The following NKAPD1 variants were observed in gnomAD, a reference collection of about 807,000 sequenced individuals.
NKAPD1 encodes uncharacterized protein NKAPD1.
A neutral mutation model predicts 30.9 loss-of-function variants in NKAPD1; 12 were observed. That is an observed-to-expected ratio of 0.39 (90% CI 0.25 to 0.63). NKAPD1 has a LOEUF of 0.63. Among genes scored for constraint, NKAPD1 ranks in the 20% least tolerant of loss-of-function variants. The probability of loss-of-function intolerance (pLI) is 0.51; values close to 1 mark genes in which losing one functional copy is unlikely to be tolerated. For synonymous variants in NKAPD1, 91 were observed against 113.6 expected (o/e 0.80, Z 1.26); for missense variants, 311 against 344.5 (o/e 0.90, Z 0.77).
At position 112,083,090 on chromosome 11, in the gene NKAPD1, C is replaced by A. The variant is rs113433885; in HGVS notation, c.*118C>A. 7.8e-6 allele frequency: 8 copies of A among 1,031,950 alleles called. No homozygotes were observed. In the African/African-American group the frequency reaches 8.1e-5, roughly 10 times the overall value. 63.9% of individuals were successfully genotyped at this position (1,031,950 alleles called of 1,614,324 possible). On this transcript the variant is annotated 3_prime_UTR_variant, in exon 6 of 6. Transcript: ENST00000393047. The stretch of plus-strand genomic sequence containing the variant: ...TGAGGTCAGAGCTGTCTTGTGCCAT[C>A]TGTATGTTCTGACAGACGTCTTGTC...
rs1865557042 is a variant in NKAPD1, at chr11:112,085,000, T to A, written c.*2028T>A. 1 of 240,052 alleles carries A rather than the reference T, an allele frequency of 4.2e-6. No individual in the cohort carries two copies. The highest frequency in any genetic ancestry group is 8.0e-6 in the Non-Finnish European group (1 of 124,434). The allele number at this position is 240,052 out of a possible 1,614,324, so 14.9% of individuals were successfully genotyped here. A position where few individuals can be genotyped will look rare whatever the true frequency, so the allele number is the denominator to read the frequency against. ...ATTTGCACTACTGGCCATGGAACAT[T>A]TATTTCTAGTGTTCCTGCCAATCAG... On this transcript the variant is annotated 3_prime_UTR_variant, in exon 6 of 6. Transcript: ENST00000393047.
rs1016677630 is a variant in NKAPD1 at position 112,084,815 on chromosome 11, T to C, written c.*1843T>C. The C allele has an allele frequency of 6.6e-6, 1 of 152,056 alleles. No homozygotes were observed. The highest frequency in any genetic ancestry group is 1.5e-5 in the Non-Finnish European group (1 of 67,928). 9.4% of individuals were successfully genotyped at this position (152,056 alleles called of 1,614,324 possible). A position where few individuals can be genotyped will look rare whatever the true frequency, so the allele number is the denominator to read the frequency against. On this transcript the variant is annotated 3_prime_UTR_variant, in exon 6 of 6. Coordinates refer to ENST00000393047, the MANE Select transcript of NKAPD1 (RefSeq NM_018195.4). ...ACATCTTGCCTTTTTTTTTTTTTTT[T>C]TGCCATGTTTTCCTTTTCTTGGTCA...
In NKAPD1 at chr11:112,082,604, A is replaced by C. The variant is rs1383623448; in HGVS notation, c.514A>C (p.Lys172Gln). The C allele has an allele frequency of 1.9e-6, 3 of 1,613,286 alleles. No individual in the cohort carries two copies. Among genetic ancestry groups the C allele is most frequent in the Non-Finnish European group, 2.5e-6 (3 of 1,179,936 alleles). Residue 172 changes from lysine to glutamine, a missense_variant, in exon 6 of 6, where the codon AAA (lysine) becomes CAA (glutamine). By Grantham distance (53) the Lys-to-Gln change is moderately conservative. Transcript: ENST00000393047. Reference protein sequence around the residue: ...QKKRSHKKQKKSKKEATDITA... With the variant: ...QKKRSHKKQKQSKKEATDITA... ...AAAAAGGTCACACAAAAAACAGAAG[A>C]AAAGCAAAAAGGAAGCCACAGATAT...
At position 112,085,104 on chromosome 11, in the gene NKAPD1, C is replaced by A; in HGVS notation, c.*2132C>A. The A allele has an allele frequency of 2.2e-6, 1 of 459,358 alleles. No homozygotes were observed. The highest frequency in any genetic ancestry group is 5.9e-5 in the South Asian group (1 of 16,924). The allele number at this position is 459,358 out of a possible 1,614,324, so 28.5% of individuals were successfully genotyped here. A position where few individuals can be genotyped will look rare whatever the true frequency, so the allele number is the denominator to read the frequency against. Reference sequence around the variant, plus strand: ...CACTTATTGAGTAACTGATGTCATACAACCTGGAATTTCTGAATTCCAAAT... The same window carrying A: ...CACTTATTGAGTAACTGATGTCATAAAACCTGGAATTTCTGAATTCCAAAT... On this transcript the variant is annotated 3_prime_UTR_variant, in exon 6 of 6. Transcript: ENST00000393047.
rs1436951724 is a variant in NKAPD1 at position 112,084,303 on chromosome 11, G to T, written c.*1331G>T. 1 of 152,572 alleles carries T rather than the reference G, an allele frequency of 6.6e-6. No homozygotes were observed. Among genetic ancestry groups the T allele is most frequent in the Non-Finnish European group, 1.5e-5 (1 of 68,020 alleles). 9.5% of individuals were successfully genotyped at this position (152,572 alleles called of 1,614,324 possible). ...AACTATGATGACATTCCATGAGTTGGTATTTTTAGTTCTAACTGCTAAATT... is the reference window on the plus strand; with the variant it reads ...AACTATGATGACATTCCATGAGTTGTTATTTTTAGTTCTAACTGCTAAATT... On this transcript the variant is annotated 3_prime_UTR_variant, in exon 6 of 6. Transcript: ENST00000393047.
intron 2 of NKAPD1, among the ~76,000 whole-genome samples, chr11:112,076,210 T>C (rs74868483): frequency 0.045 from 6,799 of 152,188 alleles, 470 homozygotes; most frequent in African/African-American, 0.15. Context: ...GGGTGTGGCA[T>C]GATCATAGTT....
At chr11:112,075,103 T>G (rs559155242) in intron 1 of NKAPD1, among the ~76,000 whole-genome samples, 187 bp downstream of exon 1, 1 of 152,232 alleles carries the variant, frequency 6.6e-6, no homozygotes, top group Admixed American at 6.5e-5. Context: ...CACCCGTGGT[T>G]CCTGACACTC....
rs775167892 is a variant in NKAPD1, at chr11:112,084,256, A to G, written c.*1284A>G. 12 of 152,616 alleles carry G rather than the reference A, an allele frequency of 7.9e-5. No individual in the cohort carries two copies. The highest frequency in any genetic ancestry group is 2.4e-5 in the African/African-American group (1 of 41,442). 9.5% of individuals were successfully genotyped at this position (152,616 alleles called of 1,614,324 possible). On this transcript the variant is annotated 3_prime_UTR_variant, in exon 6 of 6. Coordinates refer to ENST00000393047, the MANE Select transcript of NKAPD1 (RefSeq NM_018195.4). Reference sequence around the variant, plus strand: ...AATTACTTCACAGTAGCATGACAGTATAAGACACCAGCAGTAGATACAACT... The same window carrying G: ...AATTACTTCACAGTAGCATGACAGTGTAAGACACCAGCAGTAGATACAACT...
chr11:112,077,680 G>A lies in NKAPD1; in HGVS notation c.70-535G>A, dbSNP rs116147740. ...ATAAGGTGATGTTTGTCTGTGCAGCGGTTTAAAAATTCTATTGGGGAAGAT... is the reference window on the plus strand; with the variant it reads ...ATAAGGTGATGTTTGTCTGTGCAGCAGTTTAAAAATTCTATTGGGGAAGAT... On this transcript the variant is annotated intron_variant, in intron 2 of 5. Transcript: ENST00000393047. 7.4e-3 allele frequency among the ~76,000 whole-genome samples: 1,122 copies of A among 152,154 alleles called. 24 individuals carry two copies. The highest frequency in any genetic ancestry group is 0.026 in the African/African-American group (1,076 of 41,510).
rs759111779 is a variant in NKAPD1 at position 112,083,039 on chromosome 11, C to T, written c.*67C>T. On this transcript the variant is annotated 3_prime_UTR_variant, in exon 6 of 6. Coordinates refer to ENST00000393047, the MANE Select transcript of NKAPD1 (RefSeq NM_018195.4). Reference sequence around the variant, plus strand: ...CAGTTCTTACTCCTTGTGGTTTTGCCAGTGACTCTTGTTCAGCACGGGGCC... The same window carrying T: ...CAGTTCTTACTCCTTGTGGTTTTGCTAGTGACTCTTGTTCAGCACGGGGCC... The T allele has an allele frequency of 2.0e-6, 3 of 1,511,210 alleles. No individual in the cohort carries two copies. The highest frequency in any genetic ancestry group is 2.6e-6 in the Non-Finnish European group (3 of 1,133,040). The allele number at this position is 1,511,210 out of a possible 1,614,324, so 93.6% of individuals were successfully genotyped here.
At chr11:112,077,941 G>A (rs1865363972) in intron 2 of NKAPD1, among the ~76,000 whole-genome samples, 1 of 151,944 alleles carries the variant, frequency 6.6e-6, no homozygotes, top group African/African-American at 2.4e-5. Flanking sequence ...TGCCTCCAGG[G>A]TTCAAGCGAT....
At position 112,078,134 on chromosome 11, in the gene NKAPD1, G is replaced by A. The variant is rs537325059; in HGVS notation, c.70-81G>A. 1.1e-4 allele frequency: 121 copies of A among 1,085,668 alleles called. No individual in the cohort carries two copies. The African/African-American group carries it at 1.9e-3, about 17-fold the overall frequency. 67.3% of individuals were successfully genotyped at this position (1,085,668 alleles called of 1,614,324 possible). A position where few individuals can be genotyped will look rare whatever the true frequency, so the allele number is the denominator to read the frequency against. ...GCTGGGATTACAGGTGTGAGCCACTGTGCCCGGCCAGTTAGTTACTTTTCT... is the reference window on the plus strand; with the variant it reads ...GCTGGGATTACAGGTGTGAGCCACTATGCCCGGCCAGTTAGTTACTTTTCT... On this transcript the variant is annotated intron_variant, in intron 2 of 5. Coordinates refer to ENST00000393047, the MANE Select transcript of NKAPD1 (RefSeq NM_018195.4).
rs1348268302 is a variant in NKAPD1, at chr11:112,082,815, G to T, written c.725G>T (p.Ser242Ile). The T allele has an allele frequency of 6.2e-7, 1 of 1,613,934 alleles. No individual in the cohort carries two copies. The highest frequency in any genetic ancestry group is 2.2e-5 in the East Asian group (1 of 44,894). Residue 242 changes from serine (S) to isoleucine (I), a missense_variant, in exon 6 of 6, where the codon AGT becomes ATT. Transcript: ENST00000393047. Reference protein sequence around the residue: ...DDSASSSSEESEERDTKKTKR... With the variant: ...DDSASSSSEEIEERDTKKTKR... ...TCAGCATCCAGCAGTTCTGAGGAAA[G>T]TGAGGAAAGAGACACTAAGAAAACC...
chr11:112,081,346 T>TA (rs1223146633), intron 4 of NKAPD1: 1 of 133,222 alleles, frequency 7.5e-6, no homozygotes, highest in East Asian at 2.3e-4. Flanking sequence ...AAAAAAATAA[T>TA]AATAAGGCTG....
intron 2 of NKAPD1, among the ~76,000 whole-genome samples, chr11:112,076,811 A>G (rs911757475): frequency 2.6e-5 from 4 of 152,230 alleles, no homozygotes; most frequent in South Asian, 2.1e-4. Flanking sequence ...GTAACCACCT[A>G]TGTGACTGGG....
chr11:112,082,249 T>C (rs1409204656), intron 5 of NKAPD1: 2 of 678,438 alleles, frequency 2.9e-6, no homozygotes, highest in East Asian at 2.7e-5. Flanking sequence ...TAGTATTCCA[T>C]ACAGTAACTC....
rs544829028 is a variant in NKAPD1 at position 112,084,039 on chromosome 11, C to T, written c.*1067C>T. On this transcript the variant is annotated 3_prime_UTR_variant, in exon 6 of 6. Coordinates refer to ENST00000393047, the MANE Select transcript of NKAPD1 (RefSeq NM_018195.4). ...TCACTGAAAGAAGGCTGGCAGAACG[C>T]AAGTGCATTTTTTCACTGTGGGAAG... is the stretch of plus-strand genomic sequence containing the variant. 2 of 152,668 alleles carry T rather than the reference C, an allele frequency of 1.3e-5. No individual in the cohort carries two copies. Among genetic ancestry groups the T allele is most frequent in the African/African-American group, 4.8e-5 (2 of 41,550 alleles). The allele number at this position is 152,668 out of a possible 1,614,324, so 9.5% of individuals were successfully genotyped here.
chr11:112,085,043 T>C lies in NKAPD1; in HGVS notation c.*2071T>C. On this transcript the variant is annotated 3_prime_UTR_variant, in exon 6 of 6. Coordinates refer to ENST00000393047, the MANE Select transcript of NKAPD1 (RefSeq NM_018195.4). The stretch of plus-strand genomic sequence containing the variant: ...CCAATCAGAGATCTCTATATTAAAT[T>C]CTAAAATGGGATTAAAAGAAGAGTT... 5.8e-6 allele frequency: 2 copies of C among 343,452 alleles called. No homozygotes were observed. The highest frequency in any genetic ancestry group is 1.1e-5 in the Non-Finnish European group (2 of 188,528). The allele number at this position is 343,452 out of a possible 1,614,324, so 21.3% of individuals were successfully genotyped here.
chr11:112,078,476 G>A (rs1865378011), intron 3 of NKAPD1, among the ~76,000 whole-genome samples, 161 bp downstream of exon 3: 1 of 152,170 alleles, frequency 6.6e-6, no homozygotes, highest in African/African-American at 2.4e-5. Context: ...GATAATGGCT[G>A]TGACGCATAT....
Sources: allele counts gnomAD v4.1 joint callset (sites outside exome capture counted in the v4.1 genomes callset), GRCh38; gene constraint gnomAD v4.1.1; transcripts MANE v1.5; gene names NCBI Gene and HGNC (gene_info 2026-07-23, HGNC 2026-07-21).